The following ZNF91 variants were observed in gnomAD, a reference collection of about 807,000 sequenced individuals.
ZNF91 encodes zinc finger protein 91.
ZNF91 carries 7 observed loss-of-function variants against 12.6 expected under a neutral mutation model. The observed-to-expected ratio is 0.55, with a 90% confidence interval of 0.31 to 1.04. ZNF91 has a LOEUF of 1.04. ZNF91 is among the 50% of genes least tolerant of loss of function. The probability of loss-of-function intolerance (pLI) is 0.05; values close to 1 mark genes in which losing one functional copy is unlikely to be tolerated. For synonymous variants in ZNF91, 453 were observed against 462.6 expected, an observed-to-expected ratio of 0.98 and a Z score of 0.27; for missense variants, 1,217 against 1,385.4, an observed-to-expected ratio of 0.88 and a Z score of 1.93.
chr19:23,360,938 T>C lies in ZNF91; in HGVS notation c.2041A>G (p.Thr681Ala). The part of the protein sequence containing the change: ...STLANHKITH[T>A]EEKPYKCKEC... ...TTACATTTGTAGGGTTTCTCTTCAGTATGAGTTATCTTATGATTAGCAAGG... is the reference window on the plus strand; with the variant it reads ...TTACATTTGTAGGGTTTCTCTTCAGCATGAGTTATCTTATGATTAGCAAGG... The change falls in exon 4 of 4, where the codon ACT becomes GCT. Residue 681 changes from threonine to alanine, a missense_variant. Physicochemically the swap from Thr to Ala is moderately conservative, Grantham distance 58. Coordinates refer to ENST00000300619, the MANE Select transcript of ZNF91 (RefSeq NM_003430.4). 6.2e-7 allele frequency: 1 copy of C among 1,613,846 alleles called. No homozygotes were observed. Among genetic ancestry groups the C allele is most frequent in the Non-Finnish European group, 8.5e-7 (1 of 1,179,810 alleles).
chr19:23,347,509 C>G (rs1160023570), intron 3 of ZNF91, among the ~76,000 whole-genome samples: 1 of 151,958 alleles, frequency 6.6e-6, no homozygotes, highest in Admixed American at 6.6e-5. Flanking sequence ...TCCTCGTTCT[C>G]TCCTCTTTAC....
At chr19:23,337,525 C>T (rs1170840263), downstream of ZNF91, among the ~76,000 whole-genome samples, 2 of 142,952 alleles carry the variant, frequency 1.4e-5, no homozygotes, top group African/African-American at 5.1e-5. Flanking sequence ...TAAAATGAAA[C>T]AACTATTTCT....
chr19:23,365,145 GGT>G (rs922978415), intron 3 of ZNF91, among the ~76,000 whole-genome samples: 1 of 151,612 alleles, frequency 6.6e-6, no homozygotes, highest in African/African-American at 2.4e-5. Context: ...AATAAAAAAA[GGT>G]GAGAAATTCC....
intron 3 of ZNF91, among the ~76,000 whole-genome samples, chr19:23,344,683 T>G (rs1968186148): frequency 6.6e-6 from 1 of 152,210 alleles, no homozygotes; most frequent in Non-Finnish European, 1.5e-5. Flanking sequence ...TCTCCCTCAC[T>G]GATATCTGAG....
At position 23,360,502 on chromosome 19, in the gene ZNF91, T is replaced by C. The variant is rs1304795658; in HGVS notation, c.2477A>G (p.Tyr826Cys). ...HKTIHTGEKP[Y>C]KCKECGKAFK... ...AGCTTTGCCACATTCTTTACATTTG[T>C]AGGGTTTCTCTCCAGTATGAATTGT... Residue 826 changes from tyrosine to cysteine, a missense_variant, in exon 4 of 4, where the codon TAC becomes TGC. Physicochemically the swap from Tyr to Cys is radical, Grantham distance 194 (BLOSUM62 -2). Transcript: ENST00000300619. 1.2e-6 allele frequency: 2 copies of C among 1,613,830 alleles called. No individual in the cohort carries two copies. The highest frequency in any genetic ancestry group is 1.1e-5 in the South Asian group (1 of 91,074).
At chr19:23,368,562 C>CTCTCTCTATA (rs768532900) in intron 3 of ZNF91, among the ~76,000 whole-genome samples, 6 of 118,628 alleles carry the variant, frequency 5.1e-5, no homozygotes, top group South Asian at 3.2e-4. Context: ...CTCTCTCTCT[C>CTCTCTCTATA]TATATATATA....
At chr19:23,330,851 TC>T (rs1485234535) in intron 1 of ZNF91, among the ~76,000 whole-genome samples, 1 of 152,228 alleles carries the variant, frequency 6.6e-6, no homozygotes, top group Admixed American at 6.5e-5. Flanking sequence ...AGTTTTTGCC[TC>T]ACTGTGACCC....
At chr19:23,342,180 G>A (rs1289929243) in intron 3 of ZNF91, 1 of 517,080 alleles carries the variant, frequency 1.9e-6, no homozygotes, top group Non-Finnish European at 3.6e-6. Flanking sequence ...CTGAGAAGCT[G>A]ACTACTGTCT....
At position 23,360,219 on chromosome 19, in the gene ZNF91, GC is replaced by G. The variant is rs1968674680; in HGVS notation, c.2759del (p.Ser920ThrfsTer39). The G allele has an allele frequency of 6.2e-7, 1 of 1,612,438 alleles. No individual in the cohort carries two copies. The highest frequency in any genetic ancestry group is 1.7e-5 in the Admixed American group (1 of 59,888). On this transcript the variant is annotated frameshift_variant, in exon 4 of 4. Coordinates refer to ENST00000300619, the MANE Select transcript of ZNF91 (RefSeq NM_003430.4). LOFTEE classifies it low-confidence loss of function (END_TRUNC). The stretch of plus-strand genomic sequence containing the variant: ...TATGTGTAGTAAGGTGTGAAGGCTG[GC>G]TAAATGCTTTGCCACATTCTTCACA... ...YKCEECGKAF[S>X]QPSHLTTHKR...
Position 23,358,410 on chromosome 19 carries a change from TA to T in ZNF91, c.*992del, listed in dbSNP as rs1968553872. The T allele has an allele frequency of 6.6e-6, 1 of 152,242 alleles. No individual in the cohort carries two copies. Among genetic ancestry groups the T allele is most frequent in the East Asian group, 1.9e-4 (1 of 5,194 alleles). 9.4% of individuals were successfully genotyped at this position (152,242 alleles called of 1,614,324 possible). ...CTACTTAAATTTTCATCATGCATCT[TA>T]CATTTTTAATGTCCTTACCTTTCCA... On this transcript the variant is annotated 3_prime_UTR_variant, in exon 4 of 4. Coordinates refer to ENST00000300619, the MANE Select transcript of ZNF91 (RefSeq NM_003430.4).
intron 1 of ZNF91, among the ~76,000 whole-genome samples, chr19:23,386,678 T>C (rs930659829): frequency 3.3e-5 from 5 of 152,092 alleles, no homozygotes; most frequent in African/African-American, 1.2e-4. Context: ...AAGACTGAAA[T>C]GTTAATTTTA....
downstream of ZNF91, among the ~76,000 whole-genome samples, chr19:23,336,280 G>C (rs1444409923): frequency 6.6e-6 from 1 of 152,182 alleles, no homozygotes; most frequent in Non-Finnish European, 1.5e-5. Flanking sequence ...ATAGGCAAAA[G>C]AAAGAGAAAG....
intron 3 of ZNF91, among the ~76,000 whole-genome samples, chr19:23,348,805 T>G (rs1174753102): frequency 6.6e-6 from 1 of 152,160 alleles, no homozygotes; most frequent in African/African-American, 2.4e-5. Context: ...AGACAGCCTA[T>G]GGATGGACGT....
chr19:23,381,479 G>A (rs1026583723), intron 1 of ZNF91, among the ~76,000 whole-genome samples: 1 of 73,512 alleles, frequency 1.4e-5, no homozygotes, highest in African/African-American at 5.4e-5. Context: ...TTTTTTTTTT[G>A]AGACTGAGTT....
intron 1 of ZNF91, among the ~76,000 whole-genome samples, chr19:23,390,141 A>T (rs1432424721): frequency 6.6e-6 from 1 of 152,060 alleles, no homozygotes; most frequent in Non-Finnish European, 1.5e-5. Context: ...ACATGGAGAA[A>T]CTCTGTCTCT....
chr19:23,338,191 C>T (rs1968051164), downstream of ZNF91: 2 of 151,958 alleles, frequency 1.3e-5, 1 homozygote, highest in South Asian at 4.1e-4. Context: ...TATTGCAAAA[C>T]AGACATCATA....
At chr19:23,325,918 A>G (rs1967828217) in intron 1 of ZNF91, 1 of 152,166 alleles carries the variant, frequency 6.6e-6, no homozygotes, top group African/African-American at 2.4e-5. Flanking sequence ...CCTGTTGTCT[A>G]CAAAAAGAAA....
At chr19:23,392,902 T>C (rs1465630941) in intron 1 of ZNF91, among the ~76,000 whole-genome samples, 1 of 152,166 alleles carries the variant, frequency 6.6e-6, no homozygotes, top group Non-Finnish European at 1.5e-5. Flanking sequence ...TTCAATTACT[T>C]GAGAGATTGT....
chr19:23,316,114 G>T (rs1967552703), intron 1 of ZNF91, among the ~76,000 whole-genome samples: 1 of 151,426 alleles, frequency 6.6e-6, no homozygotes, highest in African/African-American at 2.4e-5. Flanking sequence ...CCTGGGACCT[G>T]CCAAATAAGA....
Sources: allele counts gnomAD v4.1 joint callset (sites outside exome capture counted in the v4.1 genomes callset), GRCh38; gene constraint gnomAD v4.1.1; transcripts MANE v1.5; gene names NCBI Gene and HGNC (gene_info 2026-07-23, HGNC 2026-07-21).